Variants in TBC1D32 observed in about 807,000 individuals in gnomAD.
TBC1D32 encodes the protein TBC1 domain family member 32.
In TBC1D32, 151 loss-of-function variants were observed where a neutral mutation model predicts 170.3. That is an observed-to-expected ratio of 0.89 (90% CI 0.78 to 1.01). The LOEUF is 1.01. TBC1D32 is among the 50% of genes least tolerant of loss of function. TBC1D32 has a pLI of 0.00. For missense variants in TBC1D32, 1,464 were observed against 1,457.1 expected (o/e 1.00, Z -0.08); for synonymous variants, 498 against 488.0 (o/e 1.02, Z -0.27).
At position 121,079,698 on chromosome 6, in the gene TBC1D32, G is replaced by A. The variant is rs920874683; in HGVS notation, c.*1073C>T. On this transcript the variant is annotated 3_prime_UTR_variant, in exon 32 of 32. Coordinates refer to ENST00000398212, the MANE Select transcript of TBC1D32 (RefSeq NM_152730.6). Reference sequence around the variant, plus strand: ...TTCACATATTGTATTAATCTTACCGGTGCAGAGACATCTATTTAAATAAGA... The same window carrying A: ...TTCACATATTGTATTAATCTTACCGATGCAGAGACATCTATTTAAATAAGA... The A allele has an allele frequency of 1.3e-5, 2 of 152,036 alleles. No homozygotes were observed. Among genetic ancestry groups the A allele is most frequent in the Non-Finnish European group, 2.9e-5 (2 of 67,976 alleles). The allele number at this position is 152,036 out of a possible 1,614,324, so 9.4% of individuals were successfully genotyped here.
At chr6:121,291,608 A>C (rs938108548) in intron 12 of TBC1D32, among the ~76,000 whole-genome samples, 1 of 152,158 alleles carries the variant, frequency 6.6e-6, no homozygotes, top group Non-Finnish European at 1.5e-5. Context: ...ACAAAATGAC[A>C]CAGGGCTTTG....
At chr6:121,130,524 G>C (rs1781328640) in intron 25 of TBC1D32, among the ~76,000 whole-genome samples, 2 of 151,980 alleles carry the variant, frequency 1.3e-5, no homozygotes, top group South Asian at 4.2e-4. Context: ...CCAGAATTGT[G>C]GAAAGTGCCC....
intron 19 of TBC1D32, among the ~76,000 whole-genome samples, chr6:121,240,357 ATTTTTTTTT>A (rs35946120): frequency 0.021 from 1,564 of 75,346 alleles, 37 homozygotes; most frequent in Middle Eastern, 0.051. Context: ...GTTTAGGACA[ATTTTTTTTT>A]TTTTTTTTTT....
intron 17 of TBC1D32, among the ~76,000 whole-genome samples, chr6:121,242,707 T>C (rs1334856686): frequency 1.3e-5 from 2 of 152,144 alleles, no homozygotes; most frequent in African/African-American, 2.4e-5. Flanking sequence ...TTCTGTACTT[T>C]CTTTTCATTA....
chr6:121,334,172 G>T, intron 1 of TBC1D32, 104 bp downstream of exon 1: 2 of 870,958 alleles, frequency 2.3e-6, no homozygotes, highest in East Asian at 2.8e-5. Context: ...CCTCCAAGTT[G>T]GGCACTATTT....
At chr6:121,157,293 G>A (rs1785026436) in intron 24 of TBC1D32, among the ~76,000 whole-genome samples, 1 of 152,026 alleles carries the variant, frequency 6.6e-6, no homozygotes, top group Admixed American at 6.6e-5. Context: ...GTTGTTGTTG[G>A]TTAAAAGTCT....
At chr6:121,173,964 A>C (rs1041148716) in intron 22 of TBC1D32, among the ~76,000 whole-genome samples, 10 of 152,132 alleles carry the variant, frequency 6.6e-5, no homozygotes, top group African/African-American at 2.4e-4. Context: ...CTAAAAAAAA[A>C]GTTGCCTTTA....
At chr6:121,269,447 G>T (rs1300202764) in intron 15 of TBC1D32, among the ~76,000 whole-genome samples, 1 of 73,922 alleles carries the variant, frequency 1.4e-5, no homozygotes, top group Admixed American at 1.0e-4. Flanking sequence ...ACAAAAAAAA[G>T]CAGGGGTTGC....
intron 1 of TBC1D32, among the ~76,000 whole-genome samples, chr6:121,322,986 G>C (rs1809956666): frequency 6.6e-6 from 1 of 151,360 alleles, no homozygotes; most frequent in Non-Finnish European, 1.5e-5. Context: ...AAGAAAAAGA[G>C]AAGAGGAATG....
In TBC1D32 at chr6:121,283,802, A is replaced by G; in HGVS notation, c.1465+16T>C. ...GATGTTTTATATTTCTCTATTTAAA[A>G]TAGAAACAGAATTACCTGAATGGGC... On this transcript the variant is annotated intron_variant, in intron 13 of 31. Transcript: ENST00000398212. 1.3e-6 allele frequency: 2 copies of G among 1,556,812 alleles called. No individual in the cohort carries two copies. The highest frequency in any genetic ancestry group is 1.8e-6 in the Non-Finnish European group (2 of 1,134,058).
intron 22 of TBC1D32, among the ~76,000 whole-genome samples, chr6:121,162,148 G>A (rs1418088198): frequency 1.3e-5 from 2 of 152,126 alleles, no homozygotes; most frequent in Non-Finnish European, 2.9e-5. Flanking sequence ...TAGGTTGTCT[G>A]TCCACTCTGA....
intron 17 of TBC1D32, among the ~76,000 whole-genome samples, chr6:121,247,678 T>C (rs1161890000): frequency 9.1e-5 from 1 of 10,968 alleles, no homozygotes; most frequent in Admixed American, 1.2e-3. Context: ...TTATATCAGA[T>C]AAAACAGGCT....
chr6:121,207,727 G>C (rs1484220353), intron 21 of TBC1D32, among the ~76,000 whole-genome samples: 1 of 152,146 alleles, frequency 6.6e-6, no homozygotes, highest in South Asian at 2.1e-4. Context: ...AAAAGATACT[G>C]TCCAGCTTGA....
At chr6:121,082,387 T>G (rs1775727722) in intron 31 of TBC1D32, among the ~76,000 whole-genome samples, 1 of 152,094 alleles carries the variant, frequency 6.6e-6, no homozygotes, top group Non-Finnish European at 1.5e-5. Context: ...AAACAGTTAT[T>G]GTTATAGTCG....
chr6:121,170,445 C>A, intron 22 of TBC1D32: 1 of 1,606,730 alleles, frequency 6.2e-7, no homozygotes, highest in Non-Finnish European at 8.5e-7. Flanking sequence ...TCTTCTTGAG[C>A]ATTTAGTAAC....
intron 22 of TBC1D32, among the ~76,000 whole-genome samples, chr6:121,191,940 C>A (rs1451497923): frequency 6.6e-6 from 1 of 151,820 alleles, no homozygotes. Flanking sequence ...TGCTTCCTGC[C>A]CTCAAACATT....
At chr6:121,083,385 G>A (rs1301900524) in intron 31 of TBC1D32, among the ~76,000 whole-genome samples, 1 of 151,982 alleles carries the variant, frequency 6.6e-6, no homozygotes, top group Admixed American at 6.6e-5. Context: ...TGTATCTAAT[G>A]CTAATCAACT....
At chr6:121,083,998 C>T (rs916575863) in intron 31 of TBC1D32, among the ~76,000 whole-genome samples, 2 of 152,032 alleles carry the variant, frequency 1.3e-5, no homozygotes, top group Admixed American at 1.3e-4. Context: ...TCATTCCGAC[C>T]TCTGAGATCT....
chr6:121,148,670 G>A (rs1306543015), intron 24 of TBC1D32, among the ~76,000 whole-genome samples: 2 of 151,984 alleles, frequency 1.3e-5, no homozygotes, highest in Non-Finnish European at 2.9e-5. Context: ...CTGGAGTATA[G>A]TGGCACTATC....
Sources: allele counts gnomAD v4.1 joint callset (sites outside exome capture counted in the v4.1 genomes callset), GRCh38; gene constraint gnomAD v4.1.1; transcripts MANE v1.5; gene names NCBI Gene and HGNC (gene_info 2026-07-23, HGNC 2026-07-21).